Variants in SMYD3 observed in about 807,000 individuals in gnomAD.
SMYD3 encodes SET and MYND domain containing 3.
Under a neutral mutation model 57.7 loss-of-function variants are expected in SMYD3, and 36 were observed. The ratio of observed to expected loss-of-function variants is 0.62; its 90% CI spans 0.48 to 0.82. The LOEUF is 0.82. SMYD3 is among the 40% of genes least tolerant of loss of function. SMYD3 has a pLI of 0.00. For synonymous variants in SMYD3, 211 were observed against 195.0 expected (o/e 1.08, Z -0.68); for missense variants, 515 against 538.8 (o/e 0.96, Z 0.44).
At chr1:245,937,734 G>A (rs1230719902) in intron 5 of SMYD3, among the ~76,000 whole-genome samples, 3 of 152,264 alleles carry the variant, frequency 2.0e-5, no homozygotes, top group South Asian at 2.1e-4. Context: ...CCCATGTATC[G>A]CACTTAAAGA....
intron 5 of SMYD3, among the ~76,000 whole-genome samples, chr1:245,996,670 A>C (rs531917768): frequency 6.6e-6 from 1 of 152,330 alleles, no homozygotes; most frequent in South Asian, 2.1e-4. Flanking sequence ...GTAGAGGCGT[A>C]ACTCCAACAA....
At position 245,948,280 on chromosome 1, in the gene SMYD3, C is replaced by T. The variant is rs146479858; in HGVS notation, c.532-18343G>A. On this transcript the variant is annotated intron_variant, in intron 5 of 11. Transcript: ENST00000490107. ...CAGCAGGACGGAATCACAACTGGAACAGATCATCTAACAGAGAACAGTGGA... is the reference window on the plus strand; with the variant it reads ...CAGCAGGACGGAATCACAACTGGAATAGATCATCTAACAGAGAACAGTGGA... Among the ~76,000 whole-genome samples the T allele has an allele frequency of 3.9e-3, 589 of 152,296 alleles. 4 individuals are homozygous for T. The highest frequency in any genetic ancestry group is 0.014 in the African/African-American group (563 of 41,562).
At chr1:245,931,142 A>T (rs1478092847) in intron 5 of SMYD3, among the ~76,000 whole-genome samples, 2 of 152,238 alleles carry the variant, frequency 1.3e-5, no homozygotes. Flanking sequence ...TGAAGAAGAT[A>T]GAAAGCCACT....
chr1:246,450,215 C>T (rs2067611887), intron 1 of SMYD3, among the ~76,000 whole-genome samples: 2 of 151,778 alleles, frequency 1.3e-5, no homozygotes, highest in South Asian at 2.1e-4. Context: ...TGAACGCCTC[C>T]GGGAGGCGGA....
intron 5 of SMYD3, among the ~76,000 whole-genome samples, chr1:246,086,989 G>A (rs887436914): frequency 5.3e-5 from 8 of 152,104 alleles, no homozygotes. Flanking sequence ...TTGGTTTTCT[G>A]TCTCTGCGTT....
intron 5 of SMYD3, among the ~76,000 whole-genome samples, chr1:246,178,314 G>A (rs1446761822): frequency 6.6e-6 from 1 of 150,598 alleles, no homozygotes; most frequent in Non-Finnish European, 1.5e-5. Flanking sequence ...AGCCCCAAAA[G>A]ATGGTTGGAG....
Position 246,232,912 on chromosome 1 carries a change from A to G in SMYD3, c.531+94289T>C, listed in dbSNP as rs1298664492. 7.1e-3 allele frequency among the ~76,000 whole-genome samples: 936 copies of G among 131,650 alleles called. 1 individual carries two copies. Among genetic ancestry groups the G allele is most frequent in the African/African-American group, 0.014 (471 of 34,134 alleles). The allele number at this position is 131,650 out of a possible 152,430, so 86.4% of individuals were successfully genotyped here. On this transcript the variant is annotated intron_variant, in intron 5 of 11. Transcript: ENST00000490107. ...CCACACAGAGGAGAAGCACTCCTCA[A>G]TTCACACTGTGATGAACATATACCA...
At chr1:246,269,926 CATGTTGGTTCCTGAAG>C (rs1421591603) in intron 5 of SMYD3, among the ~76,000 whole-genome samples, 1 of 152,102 alleles carries the variant, frequency 6.6e-6, no homozygotes, top group Non-Finnish European at 1.5e-5. Context: ...TCCCAAGAAC[CATGTTGGTTCCTGAAG>C]AATGACCTCC....
intron 7 of SMYD3, among the ~76,000 whole-genome samples, chr1:245,926,763 C>A (rs758711474): frequency 6.6e-6 from 1 of 152,146 alleles, no homozygotes. Context: ...TCGTCATCAT[C>A]GACAACAGCA....
chr1:245,799,940 C>A (rs2148233015), intron 10 of SMYD3, among the ~76,000 whole-genome samples: 1 of 152,348 alleles, frequency 6.6e-6, no homozygotes, highest in African/African-American at 2.4e-5. Context: ...CTGGAATTCA[C>A]ACCAATGTGC....
intron 10 of SMYD3, among the ~76,000 whole-genome samples, chr1:245,847,446 C>T (rs9287175): frequency 0.95 from 145,349 of 152,328 alleles, 69,730 homozygotes; most frequent in East Asian, 1. Flanking sequence ...ATCATATTTT[C>T]AAAATTATGA....
At chr1:246,307,496 T>C (rs530078099) in intron 5 of SMYD3, among the ~76,000 whole-genome samples, 19 of 143,558 alleles carry the variant, frequency 1.3e-4, no homozygotes, top group Non-Finnish European at 2.4e-4. Flanking sequence ...CTCGGCTCAC[T>C]GCAAGCTCCG....
At chr1:246,118,954 G>T (rs1329857447) in intron 5 of SMYD3, among the ~76,000 whole-genome samples, 4 of 151,902 alleles carry the variant, frequency 2.6e-5, no homozygotes, top group Admixed American at 2.0e-4. Flanking sequence ...TGACATCTGA[G>T]GACCTTCTAA....
intron 10 of SMYD3, among the ~76,000 whole-genome samples, chr1:245,846,098 G>C (rs903865757): frequency 6.6e-6 from 1 of 152,178 alleles, no homozygotes; most frequent in South Asian, 2.1e-4. Flanking sequence ...GAATGGGGTG[G>C]GGGGGAAGAA....
At chr1:246,018,042 T>G (rs1394614832) in intron 5 of SMYD3, among the ~76,000 whole-genome samples, 2 of 152,136 alleles carry the variant, frequency 1.3e-5, no homozygotes, top group East Asian at 3.9e-4. Flanking sequence ...AAAGAGCACC[T>G]TTAAGTAGCG....
chr1:245,785,402 C>CT (rs2046993021), intron 10 of SMYD3, among the ~76,000 whole-genome samples: 1 of 152,276 alleles, frequency 6.6e-6, no homozygotes, highest in East Asian at 1.9e-4. Flanking sequence ...AATCAACAGA[C>CT]TAAGTTTTTA....
intron 5 of SMYD3, among the ~76,000 whole-genome samples, chr1:246,241,678 C>T (rs1444953771): frequency 4.6e-5 from 7 of 152,116 alleles, no homozygotes; most frequent in African/African-American, 1.7e-4. Context: ...GTAACAGCTC[C>T]TCTTTGTACC....
In SMYD3 at chr1:245,959,101, T is replaced by A. The variant is rs552568379; in HGVS notation, c.532-29164A>T. ...TTTTTGGGTTTTGTTTTTGTTTTTT[T>A]AAGGAGAGATGGAGTTTCTCAAAAA... On this transcript the variant is annotated intron_variant, in intron 5 of 11. Transcript: ENST00000490107. Among the ~76,000 whole-genome samples, 328 of 152,072 alleles carry A rather than the reference T, an allele frequency of 2.2e-3. 1 individual carries two copies. Among genetic ancestry groups the A allele is most frequent in the African/African-American group, 7.7e-3 (318 of 41,508 alleles).
At chr1:246,471,370 GTT>G (rs558201159) in intron 1 of SMYD3, among the ~76,000 whole-genome samples, 2 of 151,782 alleles carry the variant, frequency 1.3e-5, no homozygotes, top group Non-Finnish European at 2.9e-5. Flanking sequence ...AGTTAATTCT[GTT>G]TTTTTGTAGA....
Sources: allele counts gnomAD v4.1 joint callset (sites outside exome capture counted in the v4.1 genomes callset), GRCh38; gene constraint gnomAD v4.1.1; transcripts MANE v1.5; gene names NCBI Gene and HGNC (gene_info 2026-07-23, HGNC 2026-07-21).